The following LRRC9 variants were observed in gnomAD, a reference collection of about 807,000 sequenced individuals.
The protein encoded by LRRC9 is leucine rich repeat containing 9, also known as leucine-rich repeat-containing protein 9.
In LRRC9, 122 loss-of-function variants were observed where a neutral mutation model predicts 63.2. That is an observed-to-expected ratio of 1.93 (90% CI 1.67 to 2.24). The LOEUF (loss-of-function observed/expected upper bound fraction) is 2.24. LRRC9 is among the 30% of genes most tolerant of loss of function. The probability of loss-of-function intolerance (pLI) is 0.00; values close to 1 mark genes in which losing one functional copy is unlikely to be tolerated. For missense variants in LRRC9, 1,071 were observed against 627.7 expected (o/e 1.71, Z -7.55); for synonymous variants, 366 against 213.1 (o/e 1.72, Z -6.25).
Position 60,053,026 on chromosome 14 carries a change from G to C in LRRC9, c.3991-39G>C. ...ATACAGGTTAATCTTTGAAATAAAAGTTTTGTAGGAATAAATTGTTATTTT... is the reference window on the plus strand; with the variant it reads ...ATACAGGTTAATCTTTGAAATAAAACTTTTGTAGGAATAAATTGTTATTTT... On this transcript the variant is annotated intron_variant, in intron 29 of 31. Transcript: ENST00000445360. This position sits in a 1 kb window ranked among gnomAD's most constrained non-coding sequence, Gnocchi z 4.8. 2 of 680,142 alleles carry C rather than the reference G, an allele frequency of 2.9e-6. No homozygotes were observed. 42.1% of individuals were successfully genotyped at this position (680,142 alleles called of 1,614,324 possible).
intron 17 of LRRC9, among the ~76,000 whole-genome samples, chr14:59,993,457 T>C (rs1888393485): frequency 6.6e-6 from 1 of 152,108 alleles, no homozygotes. Context: ...AATTCACACA[T>C]AACAATATTA....
chr14:60,040,468 G>T (rs575392571), intron 29 of LRRC9, among the ~76,000 whole-genome samples: 1 of 151,878 alleles, frequency 6.6e-6, no homozygotes, highest in Non-Finnish European at 1.5e-5. Flanking sequence ...TATATATGTA[G>T]GATAGTTAGC....
intron 23 of LRRC9, among the ~76,000 whole-genome samples, chr14:60,009,018 G>A (rs994755114): frequency 6.6e-6 from 1 of 152,114 alleles, no homozygotes; most frequent in African/African-American, 2.4e-5. Flanking sequence ...TTATTTGTTA[G>A]CTTTCACTGA....
At chr14:59,992,734 G>A (rs1035147467) in intron 17 of LRRC9, among the ~76,000 whole-genome samples, 2 of 152,130 alleles carry the variant, frequency 1.3e-5, no homozygotes, top group African/African-American at 4.8e-5. Context: ...TGAATGAAAT[G>A]AAGCGAGAAG....
At chr14:60,025,054 G>A (rs1181607459) in intron 27 of LRRC9, among the ~76,000 whole-genome samples, 1 of 149,256 alleles carries the variant, frequency 6.7e-6, no homozygotes, top group Non-Finnish European at 1.5e-5. Flanking sequence ...TTTTTCGGTT[G>A]GTTTTTTGTT....
chr14:60,039,451 G>A (rs1389966568), intron 29 of LRRC9, among the ~76,000 whole-genome samples: 11 of 152,166 alleles, frequency 7.2e-5, no homozygotes, highest in African/African-American at 2.4e-5. Flanking sequence ...CCCTTTTATT[G>A]GTCTATTCAG....
intron 1 of LRRC9, among the ~76,000 whole-genome samples, chr14:59,925,910 G>A (rs894289234): frequency 6.6e-6 from 1 of 152,036 alleles, no homozygotes; most frequent in Admixed American, 6.6e-5. Context: ...TGAATCATGG[G>A]GGCAGTTTCC....
chr14:59,969,754 G>A (rs1211025091), intron 12 of LRRC9, among the ~76,000 whole-genome samples: 4 of 152,168 alleles, frequency 2.6e-5, no homozygotes, highest in African/African-American at 9.7e-5. Context: ...AAGTAAATCT[G>A]CTCACATAGC....
chr14:60,017,717 C>A lies in LRRC9; in HGVS notation c.3318-654C>A, dbSNP rs1193826887. Among the ~76,000 whole-genome samples, 2 of 152,006 alleles carry A rather than the reference C, an allele frequency of 1.3e-5. No individual in the cohort carries two copies. Among genetic ancestry groups the A allele is most frequent in the Non-Finnish European group, 2.9e-5 (2 of 67,986 alleles). On this transcript the variant is annotated intron_variant, in intron 24 of 31. Transcript: ENST00000445360. The surrounding 1 kb of genome is among the most constrained non-coding windows in gnomAD (Gnocchi z 4.0). Reference sequence around the variant, plus strand: ...TAAAAGTATGTCATAATTGTAACTTCAAGTTTAGGATTTATTTAGAGAACT... The same window carrying A: ...TAAAAGTATGTCATAATTGTAACTTAAAGTTTAGGATTTATTTAGAGAACT...
In LRRC9 at chr14:60,060,762, T is replaced by TTAGA. The variant is rs141386842; in HGVS notation, c.4277-2558_4277-2557insATAG. Among the ~76,000 whole-genome samples the TTAGA allele has an allele frequency of 3.4e-3, 512 of 151,960 alleles. 16 individuals carry two copies. In the East Asian group the frequency reaches 0.057, roughly 17 times the overall value. ...TCTCAAAAAATAAAATAAAATAAAA[T>TTAGA]TAGTGATTCCTCTGAGGGATATGGG... On this transcript the variant is annotated intron_variant, in intron 31 of 31. Transcript: ENST00000445360. The surrounding 1 kb of genome is among the most constrained non-coding windows in gnomAD (Gnocchi z 4.0).
At chr14:60,033,674 A>G (rs1031460498) in intron 29 of LRRC9, among the ~76,000 whole-genome samples, 1 of 152,088 alleles carries the variant, frequency 6.6e-6, no homozygotes, top group Non-Finnish European at 1.5e-5. Flanking sequence ...TTTATGTAGC[A>G]TATCTGTATC....
At chr14:59,975,535 A>G (rs746525885) in intron 13 of LRRC9, among the ~76,000 whole-genome samples, 8 of 152,198 alleles carry the variant, frequency 5.3e-5, no homozygotes, top group Admixed American at 1.3e-4. Flanking sequence ...GAAAAAGACT[A>G]TAGCTCATCA....
chr14:59,995,504 TA>T (rs1364615403), intron 17 of LRRC9, among the ~76,000 whole-genome samples: 2 of 152,196 alleles, frequency 1.3e-5, no homozygotes, highest in Non-Finnish European at 2.9e-5. Flanking sequence ...CAAGAAAATT[TA>T]AGAGGTGTTT....
chr14:59,927,882 T>G lies in LRRC9; in HGVS notation c.-33-29T>G. 1.6e-6 allele frequency: 1 copy of G among 633,962 alleles called. No individual in the cohort carries two copies. Among genetic ancestry groups the G allele is most frequent in the Non-Finnish European group, 2.8e-6 (1 of 357,750 alleles). The allele number at this position is 633,962 out of a possible 1,614,324, so 39.3% of individuals were successfully genotyped here. A position where few individuals can be genotyped will look rare whatever the true frequency, so the allele number is the denominator to read the frequency against. ...CTTGGAATGACAATGACTTTAATAT[T>G]TATTTCATTTTTTCATTTTCCTTAA... On this transcript the variant is annotated intron_variant, in intron 1 of 31. Transcript: ENST00000445360. This position sits in a 1 kb window ranked among gnomAD's most constrained non-coding sequence, Gnocchi z 4.4.
rs113787967 is a variant in LRRC9, at chr14:59,989,989, G to A, written c.2211+4765G>A. Among the ~76,000 whole-genome samples, 479 of 149,270 alleles carry A rather than the reference G, an allele frequency of 3.2e-3. 4 individuals carry two copies. Among genetic ancestry groups the A allele is most frequent in the African/African-American group, 0.011 (457 of 40,346 alleles). On this transcript the variant is annotated intron_variant, in intron 17 of 31. Coordinates refer to ENST00000445360, the Ensembl canonical transcript of LRRC9. Reference sequence around the variant, plus strand: ...GTGGCCCAGGCTGAAGTGCAGTGGCGCAATCTCGGCTCACCGCAACATCCA... The same window carrying A: ...GTGGCCCAGGCTGAAGTGCAGTGGCACAATCTCGGCTCACCGCAACATCCA...
chr14:59,944,600 G>GA lies in LRRC9; in HGVS notation c.745dup (p.Ile249AsnfsTer5), dbSNP rs752960648. Reference sequence around the variant, plus strand: ...TTTCTTACTTTTAGACCACAGCAATGAAAAAAATAATGTATTATAATATGC... The same window carrying GA: ...TTTCTTACTTTTAGACCACAGCAATGAAAAAAAATAATGTATTATAATATGC... On this transcript the variant is annotated frameshift_variant, in exon 8 of 32. Transcript: ENST00000445360. LOFTEE classifies it high-confidence loss of function. 9 of 568,192 alleles carry GA rather than the reference G, an allele frequency of 1.6e-5. No homozygotes were observed. The South Asian group carries it at 2.2e-4, about 14-fold the overall frequency. 35.2% of individuals were successfully genotyped at this position (568,192 alleles called of 1,614,324 possible). A position where few individuals can be genotyped will look rare whatever the true frequency, so the allele number is the denominator to read the frequency against.
Position 59,967,826 on chromosome 14 carries a change from C to T in LRRC9, c.1506+613C>T, listed in dbSNP as rs1461910972. ...TTCCTGCATTTGGATCCCGATTTCACTCCTCACCAGCTATGTGACTTCACC... is the reference window on the plus strand; with the variant it reads ...TTCCTGCATTTGGATCCCGATTTCATTCCTCACCAGCTATGTGACTTCACC... On this transcript the variant is annotated intron_variant, in intron 12 of 31. Transcript: ENST00000445360. 3.9e-5 allele frequency among the ~76,000 whole-genome samples: 6 copies of T among 152,318 alleles called. No homozygotes were observed. The East Asian group carries it at 9.6e-4, about 24-fold the overall frequency.
chr14:59,953,320 G>T (rs1371849429), intron 8 of LRRC9, among the ~76,000 whole-genome samples: 1 of 152,184 alleles, frequency 6.6e-6, no homozygotes, highest in Non-Finnish European at 1.5e-5. Flanking sequence ...TCCAGCATCT[G>T]TTGTTTCCTG....
intron 7 of LRRC9, among the ~76,000 whole-genome samples, chr14:59,939,106 C>T (rs10146825): frequency 2.5e-5 from 3 of 120,584 alleles, no homozygotes; most frequent in East Asian, 3.0e-4. Context: ...TATATACACA[C>T]ATATATATAC....
Sources: allele counts gnomAD v4.1 joint callset (sites outside exome capture counted in the v4.1 genomes callset), GRCh38; gene constraint gnomAD v4.1.1; non-coding constraint Gnocchi (gnomAD v3.1); transcripts MANE v1.5; gene names NCBI Gene and HGNC (gene_info 2026-07-23, HGNC 2026-07-21).